The following LHFPL3 variants were observed in gnomAD, a reference collection of about 807,000 sequenced individuals.
LHFPL3 encodes the protein LHFPL tetraspan subfamily member 3.
LHFPL3 carries 5 observed loss-of-function variants against 19.3 expected under a neutral mutation model. The observed-to-expected ratio is 0.26, with a 90% CI of 0.14 to 0.54. LHFPL3 has a LOEUF of 0.54. LHFPL3 is among the 20% of genes least tolerant of loss of function. The pLI is 0.94. For synonymous variants in LHFPL3, 133 were observed against 126.2 expected (o/e 1.05, Z -0.36); for missense variants, 249 against 307.4 (o/e 0.81, Z 1.42).
At chr7:104,378,818 A>G (rs761979496) in intron 1 of LHFPL3, among the ~76,000 whole-genome samples, 2 of 151,846 alleles carry the variant, frequency 1.3e-5, no homozygotes, top group Non-Finnish European at 2.9e-5. Flanking sequence ...TGTCTTTTCA[A>G]CTCTTTTGTA....
chr7:104,845,840 T>C (rs1055497879), intron 2 of LHFPL3, among the ~76,000 whole-genome samples: 2 of 152,226 alleles, frequency 1.3e-5, no homozygotes, highest in African/African-American at 4.8e-5. Flanking sequence ...TGCTATGCAG[T>C]GTTCTCTGGG....
At chr7:104,329,291 G>C (rs1562865700) in intron 1 of LHFPL3, 67 bp downstream of exon 1, 2 of 1,523,322 alleles carry the variant, frequency 1.3e-6, no homozygotes, top group Non-Finnish European at 1.8e-6. Flanking sequence ...AGGGGCCAGA[G>C]TGGGAGGGAC....
chr7:104,736,641 T>C, intron 1 of LHFPL3, 34 bp from the exon 2 acceptor site: 1 of 1,396,492 alleles, frequency 7.2e-7, no homozygotes, highest in South Asian at 1.2e-5. Flanking sequence ...CTTATCTTTT[T>C]TGTTTCTTTT....
rs537748545 is a variant in LHFPL3, at chr7:104,427,583, T to A, written c.445+98359T>A. Among the ~76,000 whole-genome samples, 4 of 152,318 alleles carry A rather than the reference T, an allele frequency of 2.6e-5. No homozygotes were observed. The East Asian group carries it at 7.7e-4, about 29-fold the overall frequency. ...GTGAATTTAAAAGATGCAAACCACA[T>A]ATCTCAAAAAACTTTCTACTATCGG... On this transcript the variant is annotated intron_variant, in intron 1 of 2. Coordinates refer to ENST00000424859, the MANE Select transcript of LHFPL3 (RefSeq NM_199000.3).
intron 1 of LHFPL3, among the ~76,000 whole-genome samples, chr7:104,554,518 C>G (rs1186327211): frequency 6.6e-6 from 1 of 152,028 alleles, no homozygotes; most frequent in Non-Finnish European, 1.5e-5. Context: ...ATGTGTGAGT[C>G]CCCCAAAACT....
intron 2 of LHFPL3, among the ~76,000 whole-genome samples, chr7:104,810,501 G>T (rs921013639): frequency 1.3e-5 from 2 of 152,160 alleles, no homozygotes; most frequent in African/African-American, 4.8e-5. Flanking sequence ...TTCTCCCGCT[G>T]TACTTTGAGC....
At chr7:104,817,791 C>G (rs1253047960) in intron 2 of LHFPL3, among the ~76,000 whole-genome samples, 1 of 152,210 alleles carries the variant, frequency 6.6e-6, no homozygotes. Flanking sequence ...CTTCTCCACA[C>G]AGTCCCTCCC....
intron 1 of LHFPL3, among the ~76,000 whole-genome samples, chr7:104,730,763 G>C (rs1032173040): frequency 5.9e-5 from 9 of 152,128 alleles, no homozygotes; most frequent in Admixed American, 1.3e-4. Flanking sequence ...GATCCCATTT[G>C]TCAATTTTGG....
At chr7:104,573,080 T>C (rs1001509164) in intron 1 of LHFPL3, among the ~76,000 whole-genome samples, 2 of 152,220 alleles carry the variant, frequency 1.3e-5, no homozygotes, top group Admixed American at 1.3e-4. Context: ...AAGTTTCCTT[T>C]CAATCGATTC....
At chr7:104,574,210 A>G (rs1326426847) in intron 1 of LHFPL3, among the ~76,000 whole-genome samples, 4 of 152,246 alleles carry the variant, frequency 2.6e-5, no homozygotes, top group African/African-American at 9.6e-5. Flanking sequence ...CAACTAAGAG[A>G]GATGGTCTAA....
At chr7:104,400,428 A>G (rs956761290) in intron 1 of LHFPL3, among the ~76,000 whole-genome samples, 7 of 152,154 alleles carry the variant, frequency 4.6e-5, no homozygotes, top group African/African-American at 1.7e-4. Flanking sequence ...TCTTTCAGCT[A>G]CCTATGAGGA....
chr7:104,669,091 C>T (rs1276104198), intron 1 of LHFPL3: 2 of 1,612,720 alleles, frequency 1.2e-6, no homozygotes, highest in Non-Finnish European at 1.7e-6. Context: ...AAATGAAACA[C>T]TCAATAAGGA....
chr7:104,458,027 A>T (rs1186696345), intron 1 of LHFPL3, among the ~76,000 whole-genome samples: 1 of 149,738 alleles, frequency 6.7e-6, no homozygotes, highest in Admixed American at 6.6e-5. Flanking sequence ...CCTTTGTCAG[A>T]TGAGTAGGTT....
chr7:104,757,892 CAT>C (rs1391610012), intron 2 of LHFPL3: 2 of 152,174 alleles, frequency 1.3e-5, no homozygotes, highest in African/African-American at 2.4e-5. Flanking sequence ...ACAAAAAAGA[CAT>C]GTGCACTTGT....
At chr7:104,865,002 G>A (rs1012799362) in intron 2 of LHFPL3, among the ~76,000 whole-genome samples, 12 of 152,144 alleles carry the variant, frequency 7.9e-5, no homozygotes, top group Admixed American at 2.6e-4. Context: ...CAACAGACCT[G>A]CAGCTGAGGG....
intron 1 of LHFPL3, among the ~76,000 whole-genome samples, chr7:104,720,041 A>G (rs1019920803): frequency 6.6e-6 from 1 of 152,216 alleles, no homozygotes; most frequent in African/African-American, 2.4e-5. Flanking sequence ...TATTACAAAA[A>G]AGCCTAGGCA....
rs191121367 is a variant in LHFPL3 at position 104,429,389 on chromosome 7, C to T, written c.445+100165C>T. 1.7e-3 allele frequency among the ~76,000 whole-genome samples: 249 copies of T among 144,292 alleles called. 1 individual carries two copies. The highest frequency in any genetic ancestry group is 2.8e-3 in the Non-Finnish European group (185 of 66,946). 94.7% of individuals were successfully genotyped at this position (144,292 alleles called of 152,430 possible). A position where few individuals can be genotyped will look rare whatever the true frequency, so the allele number is the denominator to read the frequency against. ...ATGGTGCAATCTTGGCTCACTGCAACCTCCTCCTTCTGGGTTCAAGCGATT... is the reference window on the plus strand; with the variant it reads ...ATGGTGCAATCTTGGCTCACTGCAATCTCCTCCTTCTGGGTTCAAGCGATT... On this transcript the variant is annotated intron_variant, in intron 1 of 2. Coordinates refer to ENST00000424859, the MANE Select transcript of LHFPL3 (RefSeq NM_199000.3).
At chr7:104,368,979 A>G (rs1790555232) in intron 1 of LHFPL3, among the ~76,000 whole-genome samples, 1 of 152,222 alleles carries the variant, frequency 6.6e-6, no homozygotes, top group African/African-American at 2.4e-5. Flanking sequence ...CTTATTTTAT[A>G]TTCACAGCGA....
chr7:104,425,235 G>A (rs928000672), intron 1 of LHFPL3, among the ~76,000 whole-genome samples: 1 of 152,062 alleles, frequency 6.6e-6, no homozygotes, highest in Non-Finnish European at 1.5e-5. Context: ...CTGGAATTGG[G>A]ATTTTGGTGG....
Sources: allele counts gnomAD v4.1 joint callset (sites outside exome capture counted in the v4.1 genomes callset), GRCh38; gene constraint gnomAD v4.1.1; transcripts MANE v1.5; gene names NCBI Gene and HGNC (gene_info 2026-07-23, HGNC 2026-07-21).